Variants in TTBK2 observed in about 807,000 individuals in gnomAD.
The protein encoded by TTBK2 is tau tubulin kinase 2.
Under a neutral mutation model 110.8 loss-of-function variants are expected in TTBK2, and 28 were observed. That is an observed-to-expected ratio of 0.25 (90% CI 0.19 to 0.35). TTBK2 has a LOEUF of 0.35. Ranked by LOEUF, TTBK2 falls within the 10% of genes least tolerant of loss-of-function variation. The probability of loss-of-function intolerance (pLI) is 1.00; values close to 1 mark genes in which losing one functional copy is unlikely to be tolerated. For missense variants in TTBK2, 1,369 were observed against 1,500.3 expected, an observed-to-expected ratio of 0.91 and a Z score of 1.45; for synonymous variants, 532 against 527.3, an observed-to-expected ratio of 1.01 and a Z score of -0.12.
chr15:42,835,738 GA>G (rs1310541672), intron 4 of TTBK2, among the ~76,000 whole-genome samples: 4 of 151,732 alleles, frequency 2.6e-5, no homozygotes, highest in Admixed American at 1.3e-4. Flanking sequence ...GTTACTTTAA[GA>G]AAAAAAAGAG....
intron 9 of TTBK2, among the ~76,000 whole-genome samples, chr15:42,806,774 CA>C (rs1891484751): frequency 6.6e-6 from 1 of 151,944 alleles, no homozygotes; most frequent in African/African-American, 2.4e-5. Flanking sequence ...TGACCCAACA[CA>C]AATTTGTAAA....
At position 42,835,686 on chromosome 15, in the gene TTBK2, G is replaced by A. The variant is rs559148427; in HGVS notation, c.291+4674C>T. ...GATCATTGAAACTGAAGATTGGTTT[G>A]ATATTTGTGTTATTATTAAGGAATT... On this transcript the variant is annotated intron_variant, in intron 4 of 14. Transcript: ENST00000267890. Among the ~76,000 whole-genome samples the A allele has an allele frequency of 3.3e-5, 5 of 152,070 alleles. No individual in the cohort carries two copies. In the South Asian group the frequency reaches 8.3e-4, roughly 25 times the overall value.
At chr15:42,896,522 C>G (rs565578533) in intron 1 of TTBK2, among the ~76,000 whole-genome samples, 1 of 152,136 alleles carries the variant, frequency 6.6e-6, no homozygotes, top group Non-Finnish European at 1.5e-5. Flanking sequence ...CATGGTGGCT[C>G]ACACCTGTAA....
chr15:42,772,733 C>T (rs1023856399), intron 13 of TTBK2, among the ~76,000 whole-genome samples: 10 of 151,970 alleles, frequency 6.6e-5, no homozygotes, highest in African/African-American at 2.4e-4. Context: ...AATCTCTGGA[C>T]CCCAGCAGTT....
chr15:42,831,973 C>T lies in TTBK2; in HGVS notation c.292-1895G>A, dbSNP rs956473634. Among the ~76,000 whole-genome samples the T allele has an allele frequency of 5.3e-5, 8 of 152,024 alleles. No individual in the cohort carries two copies. The South Asian group carries it at 6.2e-4, about 12-fold the overall frequency. ...GATTAATATTATTCAAAATAAAATA[C>T]GAAGTACTCCTCAAGTAACAGTTTA... is the stretch of plus-strand genomic sequence containing the variant. On this transcript the variant is annotated intron_variant, in intron 4 of 14. Transcript: ENST00000267890.
chr15:42,847,793 A>T (rs1403473442), intron 3 of TTBK2, among the ~76,000 whole-genome samples: 1 of 152,250 alleles, frequency 6.6e-6, no homozygotes, highest in Non-Finnish European at 1.5e-5. Flanking sequence ...TCCCTTTGCC[A>T]ATACCACAGT....
chr15:42,902,851 C>T (rs1407129148), intron 1 of TTBK2, among the ~76,000 whole-genome samples: 2 of 152,004 alleles, frequency 1.3e-5, no homozygotes, highest in African/African-American at 4.8e-5. Context: ...ATTAGCAAGG[C>T]ATGGTGCCAT....
intron 3 of TTBK2, among the ~76,000 whole-genome samples, chr15:42,847,771 T>A (rs1595980401): frequency 6.6e-6 from 1 of 152,254 alleles, no homozygotes; most frequent in South Asian, 2.1e-4. Flanking sequence ...TTCCACTTGA[T>A]CTATATGTCT....
chr15:42,743,651 A>T lies in TTBK2; in HGVS notation c.*2144T>A, dbSNP rs1468458421. On this transcript the variant is annotated 3_prime_UTR_variant, in exon 15 of 15. Coordinates refer to ENST00000267890, the MANE Select transcript of TTBK2 (RefSeq NM_173500.4). ...TCCCAGTTTATCCACTCTAACTATA[A>T]GGAGAGAACTATGTGATTAACATGA... The T allele has an allele frequency of 6.6e-6, 1 of 152,246 alleles. No individual in the cohort carries two copies. The highest frequency in any genetic ancestry group is 2.4e-5 in the African/African-American group (1 of 41,468). 9.4% of individuals were successfully genotyped at this position (152,246 alleles called of 1,614,324 possible). A position where few individuals can be genotyped will look rare whatever the true frequency, so the allele number is the denominator to read the frequency against.
chr15:42,865,347 C>T (rs1324250871), intron 3 of TTBK2, among the ~76,000 whole-genome samples: 1 of 151,988 alleles, frequency 6.6e-6, no homozygotes, highest in Non-Finnish European at 1.5e-5. Flanking sequence ...GTAGTCTCAA[C>T]TACTTGGGAG....
chr15:42,788,541 T>C (rs1345004160), intron 10 of TTBK2, among the ~76,000 whole-genome samples: 4 of 152,144 alleles, frequency 2.6e-5, no homozygotes, highest in Non-Finnish European at 5.9e-5. Flanking sequence ...TATCCTGCAG[T>C]TGTTGTTTCC....
At chr15:42,857,855 G>C (rs943856431) in intron 3 of TTBK2, among the ~76,000 whole-genome samples, 1 of 151,896 alleles carries the variant, frequency 6.6e-6, no homozygotes, top group Non-Finnish European at 1.5e-5. Flanking sequence ...GGCTGAGGCA[G>C]GTGGATCACC....
At chr15:42,763,216 TTTTTTTTTTTTTTTTTG>T in intron 13 of TTBK2, among the ~76,000 whole-genome samples, 1 of 50,372 alleles carries the variant, frequency 2.0e-5, no homozygotes, top group African/African-American at 8.4e-5. Context: ...TTTTTTTTTT[TTTTTTTTTTTTTTTTTG>T]AGACAGAGTC....
At chr15:42,914,506 G>A (rs200316040) in intron 1 of TTBK2, among the ~76,000 whole-genome samples, 1 of 152,126 alleles carries the variant, frequency 6.6e-6, no homozygotes, top group Non-Finnish European at 1.5e-5. Context: ...CAAACAGAGA[G>A]TGTAAAACCA....
At chr15:42,832,776 C>G (rs1375219628) in intron 4 of TTBK2, among the ~76,000 whole-genome samples, 2 of 152,178 alleles carry the variant, frequency 1.3e-5, no homozygotes, top group African/African-American at 4.8e-5. Flanking sequence ...AGCGTATCCA[C>G]ATGTTGTTAC....
chr15:42,760,787 C>T (rs2062014888), intron 13 of TTBK2, among the ~76,000 whole-genome samples: 1 of 152,130 alleles, frequency 6.6e-6, no homozygotes, highest in South Asian at 2.1e-4. Context: ...GCTACAGATT[C>T]AATGCAATCC....
intron 3 of TTBK2, chr15:42,855,113 G>C (rs1389675518): frequency 6.6e-6 from 1 of 152,106 alleles, no homozygotes; most frequent in Non-Finnish European, 1.5e-5. Context: ...GTCTCACTCT[G>C]TTACCCAGGC....
intron 3 of TTBK2, among the ~76,000 whole-genome samples, chr15:42,843,207 C>G (rs1893302597): frequency 6.6e-6 from 1 of 152,316 alleles, no homozygotes; most frequent in South Asian, 2.1e-4. Flanking sequence ...TCCCTACACA[C>G]AGGCCAAGCT....
chr15:42,815,995 C>T (rs1891978456), intron 7 of TTBK2, among the ~76,000 whole-genome samples: 1 of 91,820 alleles, frequency 1.1e-5, no homozygotes, highest in African/African-American at 5.9e-5. Flanking sequence ...CGGAGTCTTG[C>T]TCTGTCTCAA....
Sources: allele counts gnomAD v4.1 joint callset (sites outside exome capture counted in the v4.1 genomes callset), GRCh38; gene constraint gnomAD v4.1.1; transcripts MANE v1.5; gene names NCBI Gene and HGNC (gene_info 2026-07-23, HGNC 2026-07-21).